COG6: variants seen among roughly 807,000 people sequenced by gnomAD.
The protein encoded by COG6 is conserved oligomeric Golgi complex subunit 6.
In COG6, 74 loss-of-function variants were observed where a neutral mutation model predicts 88.8. That is an observed-to-expected ratio of 0.83 (90% CI 0.69 to 1.01). The LOEUF is 1.01. Ranked by LOEUF, COG6 falls within the 50% of genes least tolerant of loss-of-function variation. The probability of loss-of-function intolerance (pLI) is 0.00; values close to 1 mark genes in which losing one functional copy is unlikely to be tolerated. For synonymous variants in COG6, 286 were observed against 278.7 expected (o/e 1.03, Z -0.26); for missense variants, 800 against 797.9 (o/e 1.00, Z -0.03).
Position 39,750,951 on chromosome 13 carries a change from A to G in COG6, c.1832A>G (p.Gln611Arg), listed in dbSNP as rs1440902099. Residue 611 changes from glutamine (Q) to arginine (R), a missense_variant, in exon 19 of 19, where the codon CAG becomes CGG. Gln to Arg is a conservative substitution (Grantham distance 43). Transcript: ENST00000455146. The stretch of plus-strand genomic sequence containing the variant: ...TTTTGTTTGCTTATCAATAGAGAGC[A>G]GATCGTAAAACAATCTACAGAATTA... ...NFLLSATVKE[Q>R]IVKQSTELVC... 2 of 1,613,072 alleles carry G rather than the reference A, an allele frequency of 1.2e-6. No homozygotes were observed. Among genetic ancestry groups the G allele is most frequent in the Non-Finnish European group, 8.5e-7 (1 of 1,179,428 alleles).
At chr13:39,745,913 A>G (rs1000355990) in intron 18 of COG6, among the ~76,000 whole-genome samples, 2 of 152,144 alleles carry the variant, frequency 1.3e-5, no homozygotes, top group Non-Finnish European at 2.9e-5. Context: ...ATAAAAAAGG[A>G]TGAGTTCATG....
At chr13:39,730,946 T>A (rs1002020803) in intron 18 of COG6, among the ~76,000 whole-genome samples, 2 of 151,678 alleles carry the variant, frequency 1.3e-5, no homozygotes, top group African/African-American at 4.8e-5. Flanking sequence ...CTTAGCTTCC[T>A]GAGTAGTTGG....
Position 39,771,881 on chromosome 13 carries a change from TG to T in COG6, c.1827-16448del, listed in dbSNP as rs576987142. Among the ~76,000 whole-genome samples, 71 of 152,320 alleles carry T rather than the reference TG, an allele frequency of 4.7e-4. 2 individuals carry two copies. In the South Asian group the frequency reaches 0.014, roughly 31 times the overall value. On this transcript the variant is annotated intron_variant, in intron 18 of 18. Transcript: ENST00000416691. Reference sequence around the variant, plus strand: ...AGGTTCCTGGCGCTATACTTGGTGCTGGGGGGAAAAGCACTGAACAAGATAC... The same window carrying T: ...AGGTTCCTGGCGCTATACTTGGTGCTGGGGGAAAAGCACTGAACAAGATAC...
chr13:39,660,980 A>G (rs1874862085), intron 3 of COG6, 99 bp downstream of exon 3: 2 of 749,462 alleles, frequency 2.7e-6, no homozygotes, highest in African/African-American at 1.7e-5. Context: ...AATGCCCTGT[A>G]GGAAATTTGG....
chr13:39,739,561 T>C (rs909420582), intron 18 of COG6, among the ~76,000 whole-genome samples: 1 of 152,080 alleles, frequency 6.6e-6, no homozygotes, highest in Non-Finnish European at 1.5e-5. Flanking sequence ...AACATTCCAT[T>C]GCATCAAGAG....
Position 39,659,554 on chromosome 13 carries a change from C to T in COG6, c.297+47C>T, listed in dbSNP as rs7330016. On this transcript the variant is annotated intron_variant, in intron 2 of 18. Coordinates refer to ENST00000455146, the MANE Select transcript of COG6 (RefSeq NM_020751.3). ...AGCATATATTGAGAACTTACTATTA[C>T]GCCTGGCTCTGTGCTAAGTATTTTT... The T allele has an allele frequency of 0.67, 1,024,400 of 1,526,654 alleles. 345,072 individuals are homozygous for T. The highest frequency in any genetic ancestry group is 0.79 in the Admixed American group (46,970 of 59,756). The allele number at this position is 1,526,654 out of a possible 1,614,324, so 94.6% of individuals were successfully genotyped here.
chr13:39,663,275 A>G (rs1875028409), intron 3 of COG6, among the ~76,000 whole-genome samples: 1 of 152,146 alleles, frequency 6.6e-6, no homozygotes, highest in South Asian at 2.1e-4. Flanking sequence ...TTCTTATTAT[A>G]TAACATTGTG....
intron 10 of COG6, among the ~76,000 whole-genome samples, chr13:39,689,377 G>C (rs1232442249): frequency 6.6e-6 from 1 of 152,142 alleles, no homozygotes; most frequent in African/African-American, 2.4e-5. Context: ...GTGCTAAGCA[G>C]CACTGCCTGG....
chr13:39,663,099 C>T (rs1034273943), intron 3 of COG6, among the ~76,000 whole-genome samples: 57 of 138,832 alleles, frequency 4.1e-4, no homozygotes, highest in Non-Finnish European at 1.3e-4. Context: ...AATAAACATG[C>T]ATTTAGATGC....
chr13:39,715,067 G>A (rs1245660315), intron 13 of COG6, among the ~76,000 whole-genome samples: 2 of 152,078 alleles, frequency 1.3e-5, no homozygotes, highest in East Asian at 3.9e-4. Flanking sequence ...GGGAGAGGAT[G>A]AGGAGTGAGG....
At position 39,677,452 on chromosome 13, in the gene COG6, G is replaced by GT. The variant is rs1876039322; in HGVS notation, c.429-12dup. 3 of 1,460,406 alleles carry GT rather than the reference G, an allele frequency of 2.1e-6. No individual in the cohort carries two copies. In the South Asian group the frequency reaches 3.4e-5, roughly 17 times the overall value. 90.5% of individuals were successfully genotyped at this position (1,460,406 alleles called of 1,614,324 possible). A position where few individuals can be genotyped will look rare whatever the true frequency, so the allele number is the denominator to read the frequency against. Reference sequence around the variant, plus strand: ...GTAAGATGCTTGATTTTTATTGCTTGTTTTGAAAATTACAGCCAAAAATTA... The same window carrying GT: ...GTAAGATGCTTGATTTTTATTGCTTGTTTTTGAAAATTACAGCCAAAAATTA... On this transcript the variant is annotated splice_polypyrimidine_tract_variant and intron_variant, in intron 4 of 18. Coordinates refer to ENST00000455146, the MANE Select transcript of COG6 (RefSeq NM_020751.3).
chr13:39,784,079 C>T lies in COG6; in HGVS notation c.1827-4256C>T, dbSNP rs565144026. On this transcript the variant is annotated intron_variant, in intron 18 of 18. Transcript: ENST00000416691. ...GCCGGCTCCATCTGGTCACATAACA[C>T]GGTCCACTCCACACAGCCCATTTAA... 5.9e-5 allele frequency among the ~76,000 whole-genome samples: 9 copies of T among 152,220 alleles called. No homozygotes were observed. In the East Asian group the frequency reaches 9.7e-4, roughly 16 times the overall value.
intron 12 of COG6, among the ~76,000 whole-genome samples, chr13:39,694,984 CA>C (rs1360598284): frequency 2.0e-5 from 3 of 150,922 alleles, no homozygotes; most frequent in Non-Finnish European, 4.4e-5. Context: ...CACACACACA[CA>C]CACACCCCTT....
chr13:39,709,786 A>G (rs1481820041), intron 13 of COG6, among the ~76,000 whole-genome samples: 3 of 152,062 alleles, frequency 2.0e-5, no homozygotes, highest in East Asian at 3.9e-4. Context: ...TTATCCAGTC[A>G]TCTGTTGATG....
chr13:39,687,550 G>C lies in COG6; in HGVS notation c.836G>C (p.Arg279Pro). ...ACAGCCAGAAGAAGTACAGTTGTTCGTGGATTTATTGATGCGCTCACAAGA... is the reference window on the plus strand; with the variant it reads ...ACAGCCAGAAGAAGTACAGTTGTTCCTGGATTTATTGATGCGCTCACAAGA... ...FGTARRSTVVRGFIDALTRGG... is the reference protein window; with the variant it reads ...FGTARRSTVVPGFIDALTRGG... Residue 279 changes from arginine to proline, a missense_variant, in exon 9 of 19, where the codon CGT becomes CCT. By Grantham distance (103) the Arg-to-Pro change is moderately radical. Coordinates refer to ENST00000455146, the MANE Select transcript of COG6 (RefSeq NM_020751.3). 6.2e-7 allele frequency: 1 copy of C among 1,613,064 alleles called. No homozygotes were observed.
chr13:39,729,967 A>G (rs1456446630), intron 18 of COG6, among the ~76,000 whole-genome samples: 1 of 152,146 alleles, frequency 6.6e-6, no homozygotes, highest in Non-Finnish European at 1.5e-5. Flanking sequence ...AACTTGTCAG[A>G]TTTCCTAAGC....
chr13:39,756,171 A>T (rs1880828001), downstream of COG6, among the ~76,000 whole-genome samples: 1 of 152,188 alleles, frequency 6.6e-6, no homozygotes, highest in African/African-American at 2.4e-5. Context: ...TAATACATTT[A>T]TAATTTTAAA....
At chr13:39,667,111 A>G (rs983215048) in intron 4 of COG6, among the ~76,000 whole-genome samples, 1 of 152,152 alleles carries the variant, frequency 6.6e-6, no homozygotes, top group African/African-American at 2.4e-5. Context: ...TCCATGTAAG[A>G]TTTTGTTTGA....
intron 18 of COG6, among the ~76,000 whole-genome samples, chr13:39,732,961 A>G (rs1465420822): frequency 6.6e-6 from 1 of 152,132 alleles, no homozygotes; most frequent in African/African-American, 2.4e-5. Flanking sequence ...ATTTGCAGGG[A>G]ACAGTGGCAT....
Sources: gnomAD v4.1 joint callset for allele counts (sites outside exome capture counted in the v4.1 genomes callset) on GRCh38, gnomAD v4.1.1 for gene constraint, MANE v1.5 for transcripts, NCBI Gene and HGNC (gene_info 2026-07-23, HGNC 2026-07-21) for gene names.